Variants in ATXN7L1 observed in about 807,000 individuals in gnomAD.
ATXN7L1 encodes ataxin-7-like protein 1.
In ATXN7L1, 15 loss-of-function variants were observed where a neutral mutation model predicts 70.8. That is an observed-to-expected ratio of 0.21 (90% CI 0.14 to 0.33). The LOEUF is 0.33. ATXN7L1 is among the 10% of genes least tolerant of loss of function. ATXN7L1 has a pLI of 1.00. For missense variants in ATXN7L1, 975 were observed against 1,097.1 expected (o/e 0.89, Z 1.57); for synonymous variants, 440 against 445.1 (o/e 0.99, Z 0.14).
intron 3 of ATXN7L1, among the ~76,000 whole-genome samples, chr7:105,699,202 G>A (rs765497010): frequency 6.6e-6 from 1 of 151,806 alleles, no homozygotes; most frequent in African/African-American, 2.4e-5. Context: ...GTGCAATCTC[G>A]GCTCACTGCT....
intron 2 of ATXN7L1, chr7:105,819,370 G>T: frequency 2.1e-6 from 1 of 469,390 alleles, no homozygotes; most frequent in Non-Finnish European, 3.9e-6. Flanking sequence ...AAAAAAATCT[G>T]TATATGCTGG....
Position 105,638,396 on chromosome 7 carries a change from C to T in ATXN7L1, c.1159G>A (p.Ala387Thr). Reference sequence around the variant, plus strand: ...GGTGGTCTGGATTTTGCAGGGGATGCAACTTTTGGTTCTGGCCCAGAGCTC... The same window carrying T: ...GGTGGTCTGGATTTTGCAGGGGATGTAACTTTTGGTTCTGGCCCAGAGCTC... ...SGSSGPEPKV[A>T]SPAKSRPPNS... Residue 387 changes from alanine to threonine, a missense_variant, in exon 7 of 12, where the codon GCA becomes ACA. Physicochemically the swap from Ala to Thr is moderately conservative, Grantham distance 58. This residue lies in a region of ATXN7L1 where 635 missense variants were observed against 699.4 expected (regional missense o/e 0.91). Transcript: ENST00000419735. 6.4e-7 allele frequency: 1 copy of T among 1,552,166 alleles called. No individual in the cohort carries two copies. The highest frequency in any genetic ancestry group is 8.7e-7 in the Non-Finnish European group (1 of 1,147,096).
At chr7:105,770,661 G>C (rs1801859150) in intron 3 of ATXN7L1, among the ~76,000 whole-genome samples, 1 of 152,174 alleles carries the variant, frequency 6.6e-6, no homozygotes, top group South Asian at 2.1e-4. Context: ...TAGCCAGTCT[G>C]ATCTGAGCCC....
At chr7:105,680,045 A>T (rs989634834) in intron 3 of ATXN7L1, among the ~76,000 whole-genome samples, 2 of 151,690 alleles carry the variant, frequency 1.3e-5, no homozygotes, top group African/African-American at 2.4e-5. Flanking sequence ...TATTAAATCA[A>T]CCTTAGATAA....
chr7:105,735,232 A>G (rs1040653584), intron 3 of ATXN7L1, among the ~76,000 whole-genome samples: 1 of 152,186 alleles, frequency 6.6e-6, no homozygotes, highest in Admixed American at 6.5e-5. Flanking sequence ...CCTTTTATAC[A>G]GTACTAGCTC....
chr7:105,614,133 C>A lies in ATXN7L1; in HGVS notation c.2201G>T (p.Gly734Val). The A allele has an allele frequency of 6.4e-7, 1 of 1,551,618 alleles. No individual in the cohort carries two copies. Among genetic ancestry groups the A allele is most frequent in the Non-Finnish European group, 8.7e-7 (1 of 1,146,952 alleles). The change falls in exon 10 of 12, where the codon GGC becomes GTC. Residue 734 changes from glycine to valine, a missense_variant. This residue lies in a region of ATXN7L1 where 635 missense variants were observed against 699.4 expected (regional missense o/e 0.91). Transcript: ENST00000419735. The surrounding 1 kb of genome is among the most constrained non-coding windows in gnomAD (Gnocchi z 4.3). ...GGPADIVRQV[G>V]AVGGSSDSCP... ...GGAGTCACTGCTGCCTCCCACCGCG[C>A]CCACCTGTCTCACTATGTCCGCGGG... is the stretch of plus-strand genomic sequence containing the variant.
Position 105,690,165 on chromosome 7 carries a change from C to T in ATXN7L1, c.356-24877G>A, listed in dbSNP as rs370392513. Among the ~76,000 whole-genome samples the T allele has an allele frequency of 1.1e-4, 17 of 152,218 alleles. No individual in the cohort carries two copies. The East Asian group carries it at 1.4e-3, about 12-fold the overall frequency. ...GATTACAGGCATGTGCCACCATGCC[C>T]AGCTAATTTTTGTATTTTTCGTAGA... On this transcript the variant is annotated intron_variant, in intron 3 of 11. Transcript: ENST00000419735.
At chr7:105,699,818 G>A (rs1792211599) in intron 3 of ATXN7L1, among the ~76,000 whole-genome samples, 1 of 152,102 alleles carries the variant, frequency 6.6e-6, no homozygotes, top group African/African-American at 2.4e-5. Context: ...CAGCTTCCCC[G>A]CTTTCTGGCT....
intron 3 of ATXN7L1, among the ~76,000 whole-genome samples, chr7:105,739,103 G>A (rs1036908580): frequency 2.0e-5 from 3 of 152,222 alleles, no homozygotes; most frequent in African/African-American, 7.2e-5. Flanking sequence ...AGGCAAGGGA[G>A]ATGCTGGCAG....
chr7:105,715,929 G>T (rs951789249), intron 3 of ATXN7L1, among the ~76,000 whole-genome samples: 1 of 152,116 alleles, frequency 6.6e-6, no homozygotes, highest in South Asian at 2.1e-4. Context: ...TGACTGGAGC[G>T]TCCTAATTGG....
At chr7:105,819,632 C>T in intron 2 of ATXN7L1, 1 of 884,502 alleles carries the variant, frequency 1.1e-6, no homozygotes, top group Non-Finnish European at 1.9e-6. Context: ...CTGGCCATTT[C>T]TACAGATACA....
At chr7:105,722,545 A>C (rs1166515176) in intron 3 of ATXN7L1, among the ~76,000 whole-genome samples, 1 of 115,032 alleles carries the variant, frequency 8.7e-6, no homozygotes. Flanking sequence ...TGGGCAACAG[A>C]GTGAGACTCT....
chr7:105,832,284 A>C lies in ATXN7L1; in HGVS notation c.250+43528T>G, dbSNP rs1811726404. Among the ~76,000 whole-genome samples the C allele has an allele frequency of 2.0e-5, 3 of 152,046 alleles. No individual in the cohort carries two copies. In the South Asian group the frequency reaches 6.2e-4, roughly 32 times the overall value. On this transcript the variant is annotated intron_variant, in intron 2 of 11. Transcript: ENST00000419735. ...AGTAGAAATTGAGAATAGGGAGGGG[A>C]TTGCTAATTTTCTGCAATTCGGAAA...
intron 2 of ATXN7L1, among the ~76,000 whole-genome samples, chr7:105,794,731 T>C (rs1324699948): frequency 1.3e-5 from 2 of 152,092 alleles, no homozygotes; most frequent in African/African-American, 4.8e-5. Flanking sequence ...TCACCTCCTG[T>C]GTCAAATGAG....
Position 105,794,915 on chromosome 7 carries a change from C to T in ATXN7L1, c.251-6207G>A, listed in dbSNP as rs892911988. ...TAAATTTATCACACTCTTCTCAGTG[C>T]CTCTGTTTCGAGCAAGCAGCCCTCC... On this transcript the variant is annotated intron_variant, in intron 2 of 11. Transcript: ENST00000419735. Among the ~76,000 whole-genome samples the T allele has an allele frequency of 2.6e-5, 4 of 152,222 alleles. No individual in the cohort carries two copies. The South Asian group carries it at 6.2e-4, about 24-fold the overall frequency.
chr7:105,745,788 G>A (rs888251275), intron 3 of ATXN7L1, among the ~76,000 whole-genome samples: 1 of 152,240 alleles, frequency 6.6e-6, no homozygotes, highest in Non-Finnish European at 1.5e-5. Flanking sequence ...TGTGAAAAAT[G>A]TCAGGAAGCT....
chr7:105,718,374 G>A (rs1466077892), intron 3 of ATXN7L1, among the ~76,000 whole-genome samples: 2 of 152,192 alleles, frequency 1.3e-5, no homozygotes, highest in African/African-American at 4.8e-5. Context: ...CAACTGGAGT[G>A]AGCTGAGTGA....
intron 7 of ATXN7L1, among the ~76,000 whole-genome samples, chr7:105,634,801 G>A (rs1216965342): frequency 2.0e-5 from 3 of 152,080 alleles, no homozygotes; most frequent in Non-Finnish European, 4.4e-5. Flanking sequence ...AGAATAAGGC[G>A]GGGTGCAGCA....
Position 105,813,700 on chromosome 7 carries a change from G to GT in ATXN7L1, c.251-24993dup, listed in dbSNP as rs577299544. On this transcript the variant is annotated intron_variant, in intron 2 of 11. Transcript: ENST00000419735. ...CTTTATCTGTAAATTCTGAAATTAAGTTTTTTTTCCTTTTCTGGAAACCAG... is the reference window on the plus strand; with the variant it reads ...CTTTATCTGTAAATTCTGAAATTAAGTTTTTTTTTCCTTTTCTGGAAACCAG... Among the ~76,000 whole-genome samples, 25 of 152,034 alleles carry GT rather than the reference G, an allele frequency of 1.6e-4. No individual in the cohort carries two copies. In the South Asian group the frequency reaches 2.9e-3, roughly 18 times the overall value.
Sources: gnomAD v4.1 joint callset for allele counts (sites outside exome capture counted in the v4.1 genomes callset) on GRCh38, gnomAD v4.1.1 for gene constraint, gnomAD v4.1.1 regional missense constraint, Gnocchi (gnomAD v3.1) non-coding constraint, MANE v1.5 for transcripts, NCBI Gene and HGNC (gene_info 2026-07-23, HGNC 2026-07-21) for gene names.